SHISA6: variants seen among roughly 807,000 people sequenced by gnomAD.
SHISA6 encodes protein shisa-6.
Under a neutral mutation model 47.9 loss-of-function variants are expected in SHISA6, and 22 were observed. That is an observed-to-expected ratio of 0.46 (90% confidence interval 0.33 to 0.66). The LOEUF is 0.66. SHISA6 is among the 30% of genes least tolerant of loss of function. The pLI is 0.02. For synonymous variants in SHISA6, 388 were observed against 337.8 expected, an observed-to-expected ratio of 1.15 and a Z score of -1.63; for missense variants, 680 against 764.6, an observed-to-expected ratio of 0.89 and a Z score of 1.30.
At chr17:11,497,563 G>T (rs1042071745) in intron 3 of SHISA6, among the ~76,000 whole-genome samples, 1 of 152,314 alleles carries the variant, frequency 6.6e-6, no homozygotes, top group South Asian at 2.1e-4. Flanking sequence ...ACAGCAATGA[G>T]AAATGCCACT....
intron 3 of SHISA6, among the ~76,000 whole-genome samples, chr17:11,447,641 C>T (rs1281879362): frequency 1.3e-5 from 2 of 152,240 alleles, no homozygotes; most frequent in East Asian, 1.9e-4. Flanking sequence ...TATTTCTCCA[C>T]GTATAATACC....
At chr17:11,499,279 T>C (rs1238875360) in intron 3 of SHISA6, among the ~76,000 whole-genome samples, 1 of 152,142 alleles carries the variant, frequency 6.6e-6, no homozygotes, top group Non-Finnish European at 1.5e-5. Flanking sequence ...AAGAAGCATC[T>C]TCCCTCCTCA....
In SHISA6 at chr17:11,558,613, C is replaced by T. The variant is rs151205142; in HGVS notation, c.*309C>T. On this transcript the variant is annotated 3_prime_UTR_variant, in exon 6 of 6. Coordinates refer to ENST00000441885, the MANE Select transcript of SHISA6 (RefSeq NM_207386.4). ...CTTCACCAACTCCCTTTCCGTCCCG[C>T]GCCTCCTTCTCCCCATCCGGGGGAC... 1.8e-3 allele frequency: 736 copies of T among 410,938 alleles called. 8 individuals are homozygous for T. The highest frequency in any genetic ancestry group is 0.014 in the East Asian group (332 of 23,052). 25.5% of individuals were successfully genotyped at this position (410,938 alleles called of 1,614,324 possible). A position where few individuals can be genotyped will look rare whatever the true frequency, so the allele number is the denominator to read the frequency against.
chr17:11,244,470 G>A (rs1398454579), intron 1 of SHISA6, among the ~76,000 whole-genome samples: 1 of 152,134 alleles, frequency 6.6e-6, no homozygotes, highest in Non-Finnish European at 1.5e-5. Flanking sequence ...TGCTTCCGGG[G>A]CACGTCAGGG....
intron 2 of SHISA6, among the ~76,000 whole-genome samples, chr17:11,274,043 G>A (rs140815832): frequency 8.1e-4 from 123 of 152,354 alleles, no homozygotes; most frequent in African/African-American, 2.7e-3. Context: ...CTTTCCAGAA[G>A]CCAGAGGAGC....
chr17:11,533,592 T>A lies in SHISA6; in HGVS notation c.896-18304T>A, dbSNP rs9903597. On this transcript the variant is annotated intron_variant, in intron 3 of 5. Transcript: ENST00000441885. The stretch of plus-strand genomic sequence containing the variant: ...TTTGAAGCTTCCCTTTCATTATTTT[T>A]TTTTTTTTTTTTTTTTTTGAGATGG... 3.2e-3 allele frequency among the ~76,000 whole-genome samples: 410 copies of A among 127,798 alleles called. 5 individuals are homozygous for A. The highest frequency in any genetic ancestry group is 0.013 in the African/African-American group (387 of 28,870). The allele number at this position is 127,798 out of a possible 152,430, so 83.8% of individuals were successfully genotyped here. A position where few individuals can be genotyped will look rare whatever the true frequency, so the allele number is the denominator to read the frequency against.
chr17:11,393,778 G>A (rs917902761), intron 3 of SHISA6, among the ~76,000 whole-genome samples: 12 of 152,090 alleles, frequency 7.9e-5, no homozygotes, highest in Non-Finnish European at 1.5e-4. Context: ...ACATCATCTA[G>A]CCCTTGCTTA....
chr17:11,272,960 G>A (rs1908736345), intron 2 of SHISA6, among the ~76,000 whole-genome samples: 1 of 152,192 alleles, frequency 6.6e-6, no homozygotes, highest in South Asian at 2.1e-4. Context: ...CCTGTGTCTT[G>A]TTGTAGACAC....
intron 2 of SHISA6, among the ~76,000 whole-genome samples, chr17:11,310,422 AG>A (rs1377495085): frequency 6.6e-6 from 1 of 152,194 alleles, no homozygotes; most frequent in Non-Finnish European, 1.5e-5. Flanking sequence ...ATTGCTGCTC[AG>A]GGTGGTCGAG....
chr17:11,387,644 T>C (rs1913241459), intron 3 of SHISA6, among the ~76,000 whole-genome samples: 1 of 152,178 alleles, frequency 6.6e-6, no homozygotes, highest in African/African-American at 2.4e-5. Context: ...GATAAGAGCC[T>C]TAGTCCCTGG....
rs892838730 is a variant in SHISA6, at chr17:11,564,051, C to T, written c.*5747C>T. The T allele has an allele frequency of 5.3e-5, 8 of 152,130 alleles. No individual in the cohort carries two copies. Among genetic ancestry groups the T allele is most frequent in the Non-Finnish European group, 1.0e-4 (7 of 68,026 alleles). 9.4% of individuals were successfully genotyped at this position (152,130 alleles called of 1,614,324 possible). Reference sequence around the variant, plus strand: ...ATATTTATGGATTAAAAAATAAAGCCGTTTCAACATAACGTGTGTCTCTTT... The same window carrying T: ...ATATTTATGGATTAAAAAATAAAGCTGTTTCAACATAACGTGTGTCTCTTT... On this transcript the variant is annotated 3_prime_UTR_variant, in exon 6 of 6. Transcript: ENST00000441885.
intron 1 of SHISA6, 52 bp downstream of exon 1, chr17:11,242,112 C>T: frequency 6.5e-7 from 1 of 1,544,602 alleles, no homozygotes; most frequent in South Asian, 1.2e-5. Flanking sequence ...CTCACCCTCT[C>T]AGCTTGCTTC....
intron 3 of SHISA6, among the ~76,000 whole-genome samples, chr17:11,383,573 C>A (rs1387779858): frequency 6.6e-6 from 1 of 152,070 alleles, no homozygotes; most frequent in Non-Finnish European, 1.5e-5. Flanking sequence ...AGTGATTGGC[C>A]AACCCCCCAG....
intron 3 of SHISA6, among the ~76,000 whole-genome samples, chr17:11,425,609 ATTATTGGT>A (rs1443161393): frequency 2.6e-5 from 4 of 152,170 alleles, no homozygotes; most frequent in Non-Finnish European, 5.9e-5. Context: ...AAAGTGAAAA[ATTATTGGT>A]TTATATAAGA....
At chr17:11,354,341 T>C (rs1357977345) in intron 2 of SHISA6, among the ~76,000 whole-genome samples, 1 of 152,132 alleles carries the variant, frequency 6.6e-6, no homozygotes, top group Non-Finnish European at 1.5e-5. Context: ...AGGAGCACAT[T>C]CTGGGTAGCT....
intron 1 of SHISA6, among the ~76,000 whole-genome samples, chr17:11,249,707 C>T (rs1482410311): frequency 6.6e-6 from 1 of 152,160 alleles, no homozygotes; most frequent in African/African-American, 2.4e-5. Context: ...GTCATTTTGA[C>T]TTTATATAAG....
At chr17:11,523,416 G>A (rs568884497) in intron 3 of SHISA6, among the ~76,000 whole-genome samples, 1 of 152,302 alleles carries the variant, frequency 6.6e-6, no homozygotes, top group Admixed American at 6.5e-5. Flanking sequence ...TGCAGAGGCA[G>A]GCAGATGTCT....
intron 3 of SHISA6, among the ~76,000 whole-genome samples, chr17:11,515,719 A>G (rs1389289563): frequency 1.3e-5 from 2 of 152,064 alleles, no homozygotes; most frequent in African/African-American, 4.8e-5. Context: ...TCCTCACAAC[A>G]CTGTCCTAGC....
chr17:11,491,570 C>G (rs1341884406), intron 3 of SHISA6, among the ~76,000 whole-genome samples: 1 of 152,058 alleles, frequency 6.6e-6, no homozygotes, highest in African/African-American at 2.4e-5. Flanking sequence ...ACCCAAGCAT[C>G]TGTGGAAAGA....
Sources: gnomAD v4.1 joint callset for allele counts (sites outside exome capture counted in the v4.1 genomes callset) on GRCh38, gnomAD v4.1.1 for gene constraint, MANE v1.5 for transcripts, NCBI Gene and HGNC (gene_info 2026-07-23, HGNC 2026-07-21) for gene names.